The following SIRT5 variants were observed in gnomAD, a reference collection of about 807,000 sequenced individuals.
SIRT5 encodes sirtuin 5.
A neutral mutation model predicts 40.0 loss-of-function variants in SIRT5; 26 were observed. The ratio of observed to expected loss-of-function variants is 0.65; its 90% CI spans 0.48 to 0.90. The LOEUF is 0.90. Ranked by LOEUF, SIRT5 falls within the 40% of genes least tolerant of loss-of-function variation. The pLI, the probability that SIRT5 is intolerant of heterozygous loss-of-function variation, is 0.00. For synonymous variants in SIRT5, 146 were observed against 149.1 expected, an observed-to-expected ratio of 0.98 and a Z score of 0.15; for missense variants, 401 against 402.4, an observed-to-expected ratio of 1.00 and a Z score of 0.03.
chr6:13,600,403 C>T (rs1311104069), intron 8 of SIRT5, among the ~76,000 whole-genome samples: 1 of 152,148 alleles, frequency 6.6e-6, no homozygotes, highest in Non-Finnish European at 1.5e-5. Flanking sequence ...AGAGGACATA[C>T]ATGAAAATGT....
Position 13,584,315 on chromosome 6 carries a change from G to C in SIRT5, c.115+90G>C, listed in dbSNP as rs1759770742. The stretch of plus-strand genomic sequence containing the variant: ...CGAGAGGAATGTCTCTGTCAAATTA[G>C]GTATTGGGCAAGGTTTTGGAGAAAG... On this transcript the variant is annotated intron_variant, in intron 3 of 9. Coordinates refer to ENST00000606117, the MANE Select transcript of SIRT5 (RefSeq NM_012241.5). 5.2e-6 allele frequency: 5 copies of C among 956,888 alleles called. No individual in the cohort carries two copies. The Middle Eastern group carries it at 6.3e-4, about 121-fold the overall frequency. The allele number at this position is 956,888 out of a possible 1,614,324, so 59.3% of individuals were successfully genotyped here.
upstream of SIRT5, among the ~76,000 whole-genome samples, chr6:13,574,376 C>T (rs1040460189): frequency 6.6e-6 from 1 of 151,982 alleles, no homozygotes; most frequent in Non-Finnish European, 1.5e-5. Context: ...TTCGAGGTCC[C>T]GACCAAGCAC....
chr6:13,581,124 C>G (rs1415433669), intron 2 of SIRT5, among the ~76,000 whole-genome samples: 1 of 152,192 alleles, frequency 6.6e-6, no homozygotes, highest in Non-Finnish European at 1.5e-5. Context: ...AGGACAAGTA[C>G]TACACCTAGA....
intron 2 of SIRT5, among the ~76,000 whole-genome samples, chr6:13,581,387 C>T (rs1319115786): frequency 6.6e-6 from 1 of 152,194 alleles, no homozygotes. Context: ...TTGGCATTTT[C>T]TCATAACTAA....
intron 3 of SIRT5, among the ~76,000 whole-genome samples, chr6:13,586,587 C>T (rs1358902460): frequency 6.6e-6 from 1 of 152,098 alleles, no homozygotes; most frequent in Non-Finnish European, 1.5e-5. Flanking sequence ...CTGTTCTGTT[C>T]CACCGTGACT....
Position 13,607,204 on chromosome 6 carries a change from A to G in SIRT5, c.858-4586A>G, listed in dbSNP as rs1472290818. On this transcript the variant is annotated intron_variant, in intron 9 of 9. Transcript: ENST00000606117. This position sits in a 1 kb window ranked among gnomAD's most constrained non-coding sequence, Gnocchi z 4.0. ...CTAGACTTCCTGAATCAGAATTTCT[A>G]GGGGGAAGATGCCTGTTTATCTGTG... is the stretch of plus-strand genomic sequence containing the variant. Among the ~76,000 whole-genome samples the G allele has an allele frequency of 6.6e-6, 1 of 152,132 alleles. No individual in the cohort carries two copies. Among genetic ancestry groups the G allele is most frequent in the Non-Finnish European group, 1.5e-5 (1 of 68,014 alleles).
At chr6:13,580,460 C>T (rs1252531601) in intron 2 of SIRT5, among the ~76,000 whole-genome samples, 1 of 152,154 alleles carries the variant, frequency 6.6e-6, no homozygotes, top group East Asian at 1.9e-4. Flanking sequence ...CTCCCCCGAC[C>T]CCTGTCCCTG....
At chr6:13,594,601 G>C (rs1488183080) in intron 5 of SIRT5, among the ~76,000 whole-genome samples, 2 of 152,252 alleles carry the variant, frequency 1.3e-5, no homozygotes, top group African/African-American at 2.4e-5. Context: ...CACGACTGCA[G>C]AGGGATGGAC....
chr6:13,605,320 A>G (rs1762956871), intron 9 of SIRT5: 6 of 882,214 alleles, frequency 6.8e-6, no homozygotes, highest in Non-Finnish European at 6.8e-6. Context: ...TAGTTGCAAC[A>G]GAGACTGGCT....
chr6:13,597,396 A>AG (rs1761705293), intron 7 of SIRT5, among the ~76,000 whole-genome samples: 1 of 150,072 alleles, frequency 6.7e-6, no homozygotes, highest in South Asian at 2.2e-4. Flanking sequence ...GGACCTGAAT[A>AG]GGAGAGGTTA....
intron 9 of SIRT5, 115 bp from the exon 10 acceptor site, chr6:13,611,675 T>G (rs1199567129): frequency 7.9e-6 from 6 of 757,860 alleles, no homozygotes; most frequent in Middle Eastern, 2.4e-4. Context: ...ACCATCTTTA[T>G]GAGAATTTGG....
intron 1 of SIRT5, among the ~76,000 whole-genome samples, chr6:13,576,837 GA>G (rs1300461876): frequency 6.6e-6 from 1 of 152,228 alleles, no homozygotes; most frequent in African/African-American, 2.4e-5. Context: ...TATGGTGTGA[GA>G]TAAGGACTCA....
At chr6:13,601,959 C>G (rs1265151224) in intron 9 of SIRT5, among the ~76,000 whole-genome samples, 1 of 152,088 alleles carries the variant, frequency 6.6e-6, no homozygotes, top group Non-Finnish European at 1.5e-5. Flanking sequence ...CAGCTACAGC[C>G]TGTGTTCTTG....
At chr6:13,576,047 G>A (rs1758591771) in intron 1 of SIRT5, among the ~76,000 whole-genome samples, 1 of 152,002 alleles carries the variant, frequency 6.6e-6, no homozygotes, top group Admixed American at 6.6e-5. Context: ...TTCTTTATCC[G>A]GTCCTCAGTT....
intron 9 of SIRT5, chr6:13,605,189 GCCTGTGGGCCAAATTTGCCCACCA>G (rs1762940455): frequency 1.0e-6 from 1 of 984,734 alleles, no homozygotes; most frequent in Non-Finnish European, 1.2e-6. Flanking sequence ...GCAAACTACT[GCCTGTGGGCCAAATTTGCCCACCA>G]CCTGTATCTG....
intron 7 of SIRT5, 47 bp downstream of exon 7, chr6:13,597,063 C>CAAAA: frequency 9.3e-7 from 1 of 1,081,054 alleles, no homozygotes; most frequent in Non-Finnish European, 1.3e-6. Context: ...GTTACCAAAA[C>CAAAA]AAAAAAAAAA....
At position 13,595,656 on chromosome 6, in the gene SIRT5, C is replaced by T. The variant is rs1415488900; in HGVS notation, c.563+92C>T. On this transcript the variant is annotated intron_variant, in intron 6 of 9. Coordinates refer to ENST00000606117, the MANE Select transcript of SIRT5 (RefSeq NM_012241.5). ...GAAATTGAACATTCATCAAAGATTC[C>T]CATGGATATTTATGAGAAATAAGAC... 3 of 995,146 alleles carry T rather than the reference C, an allele frequency of 3.0e-6. No individual in the cohort carries two copies. The Admixed American group carries it at 5.4e-5, about 18-fold the overall frequency. The allele number at this position is 995,146 out of a possible 1,614,324, so 61.6% of individuals were successfully genotyped here.
chr6:13,607,259 C>T lies in SIRT5; in HGVS notation c.858-4531C>T, dbSNP rs1330470217. Reference sequence around the variant, plus strand: ...TAGCAAATGACCCAGGTAATTCTTACCAAGAAACCTTGGCAAACACTGGAT... The same window carrying T: ...TAGCAAATGACCCAGGTAATTCTTATCAAGAAACCTTGGCAAACACTGGAT... On this transcript the variant is annotated intron_variant, in intron 9 of 9. Coordinates refer to ENST00000606117, the MANE Select transcript of SIRT5 (RefSeq NM_012241.5). This position sits in a 1 kb window ranked among gnomAD's most constrained non-coding sequence, Gnocchi z 4.0. 6.6e-6 allele frequency among the ~76,000 whole-genome samples: 1 copy of T among 151,814 alleles called. No individual in the cohort carries two copies. Among genetic ancestry groups the T allele is most frequent in the Non-Finnish European group, 1.5e-5 (1 of 67,978 alleles).
chr6:13,581,690 C>A (rs932929731), intron 2 of SIRT5, among the ~76,000 whole-genome samples: 2 of 152,176 alleles, frequency 1.3e-5, no homozygotes, highest in African/African-American at 4.8e-5. Context: ...TGGTTTGCTT[C>A]TAGTCTTGAG....
Sources: gnomAD v4.1 joint callset for allele counts (sites outside exome capture counted in the v4.1 genomes callset) on GRCh38, gnomAD v4.1.1 for gene constraint, Gnocchi (gnomAD v3.1) non-coding constraint, MANE v1.5 for transcripts, NCBI Gene and HGNC (gene_info 2026-07-23, HGNC 2026-07-21) for gene names.